The following HESX1 variants were observed in gnomAD, a reference collection of about 807,000 sequenced individuals.
HESX1 encodes the protein HESX homeobox 1, also known as homeobox expressed in ES cells 1.
In HESX1, 11 loss-of-function variants were observed where a neutral mutation model predicts 22.5. The ratio of observed to expected loss-of-function variants is 0.49; its 90% CI spans 0.31 to 0.81. HESX1 has a LOEUF of 0.81. HESX1 is among the 30% of genes least tolerant of loss of function. The pLI is 0.05. For missense variants in HESX1, 201 were observed against 212.6 expected (o/e 0.95, Z 0.34); for synonymous variants, 74 against 76.5 (o/e 0.97, Z 0.17).
At chr3:57,222,647 CA>C (rs1448722231) in intron 1 of HESX1, among the ~76,000 whole-genome samples, 1 of 152,100 alleles carries the variant, frequency 6.6e-6, no homozygotes, top group Non-Finnish European at 1.5e-5. Flanking sequence ...AACTTTGGGG[CA>C]CCTCTACCCA....
intron 1 of HESX1, among the ~76,000 whole-genome samples, chr3:57,209,686 A>G (rs573968745): frequency 2.5e-3 from 380 of 151,844 alleles, no homozygotes; most frequent in Middle Eastern, 6.8e-3. Flanking sequence ...AAAAAAAAAA[A>G]AAAAGAAAAG....
chr3:57,213,908 A>G (rs1290789167), intron 1 of HESX1, among the ~76,000 whole-genome samples: 1 of 152,200 alleles, frequency 6.6e-6, no homozygotes, highest in Non-Finnish European at 1.5e-5. Context: ...GCAACAGAGT[A>G]AGACTCCGTC....
chr3:57,208,296 A>G (rs78763738), intron 1 of HESX1, among the ~76,000 whole-genome samples: 15 of 152,128 alleles, frequency 9.9e-5, no homozygotes, highest in Admixed American at 9.2e-4. Flanking sequence ...TTAACTTGTC[A>G]ATGTTATGTA....
intron 1 of HESX1, chr3:57,226,171 C>A (rs890517109): frequency 2.0e-5 from 3 of 151,920 alleles, no homozygotes; most frequent in African/African-American, 7.3e-5. Context: ...AGCCACAGCG[C>A]CAGGCCTTTT....
intron 1 of HESX1, among the ~76,000 whole-genome samples, chr3:57,216,288 C>T (rs531108302): frequency 2.6e-5 from 4 of 152,278 alleles, no homozygotes; most frequent in African/African-American, 9.6e-5. Context: ...AGATTACAGT[C>T]AGCTACTTTG....
upstream of HESX1, among the ~76,000 whole-genome samples, chr3:57,226,932 C>G (rs1051606765): frequency 6.6e-6 from 1 of 152,196 alleles, no homozygotes; most frequent in African/African-American, 2.4e-5. Flanking sequence ...CTCATCCGGT[C>G]AAATTCCCAA....
In HESX1 at chr3:57,198,395, A is replaced by AT. The variant is rs757267705; in HGVS notation, c.454dup (p.Ile152AsnfsTer17). ...ACAACTAAATTTGAAAATTACCTGG[A>AT]TTCTGTCTTCCTCTAGATTCAATTT... is the stretch of plus-strand genomic sequence containing the variant. On this transcript the variant is annotated frameshift_variant, in exon 3 of 4. Transcript: ENST00000295934. LOFTEE classifies it high-confidence loss of function. 1.3e-6 allele frequency: 2 copies of AT among 1,590,576 alleles called. No homozygotes were observed. The highest frequency in any genetic ancestry group is 2.2e-5 in the South Asian group (2 of 90,550).
intron 1 of HESX1, among the ~76,000 whole-genome samples, chr3:57,216,547 G>A (rs764296170): frequency 7.2e-5 from 11 of 152,196 alleles, no homozygotes; most frequent in Non-Finnish European, 1.5e-4. Context: ...AGGAGGTCGA[G>A]GCTGCAGTGA....
chr3:57,209,037 T>C (rs1271488554), intron 1 of HESX1, among the ~76,000 whole-genome samples: 1 of 152,166 alleles, frequency 6.6e-6, no homozygotes, highest in Non-Finnish European at 1.5e-5. Flanking sequence ...ATCACTCTTA[T>C]TCAACATTAT....
chr3:57,211,832 CA>C (rs111228627), intron 1 of HESX1, among the ~76,000 whole-genome samples: 111 of 136,632 alleles, frequency 8.1e-4, no homozygotes, highest in Non-Finnish European at 6.7e-4. Context: ...GACGCCATCT[CA>C]AAAAAAAAAA....
At chr3:57,209,671 C>CAAAAAAAAAAAAA (rs71088042) in intron 1 of HESX1, among the ~76,000 whole-genome samples, 5 of 82,082 alleles carry the variant, frequency 6.1e-5, no homozygotes, top group Admixed American at 1.3e-4. Flanking sequence ...AGCTCCATCT[C>CAAAAAAAAAAAAA]AAAAAAAAAA....
At chr3:57,209,671 C>CAAAAAA (rs71088042) in intron 1 of HESX1, among the ~76,000 whole-genome samples, 11 of 82,040 alleles carry the variant, frequency 1.3e-4, no homozygotes, top group Non-Finnish European at 2.4e-4. Flanking sequence ...AGCTCCATCT[C>CAAAAAA]AAAAAAAAAA....
At chr3:57,226,568 A>T (rs1439186159), upstream of HESX1, 1 of 152,236 alleles carries the variant, frequency 6.6e-6, no homozygotes. Flanking sequence ...AAACTTTAAA[A>T]ATATAATTTT....
upstream of HESX1, among the ~76,000 whole-genome samples, chr3:57,202,029 C>T (rs2060492648): frequency 6.6e-6 from 1 of 151,948 alleles, no homozygotes; most frequent in South Asian, 2.1e-4. Flanking sequence ...CGCCATTCTC[C>T]TGCCTCAGCC....
intron 1 of HESX1, among the ~76,000 whole-genome samples, chr3:57,218,352 T>C (rs541597705): frequency 6.6e-6 from 1 of 151,982 alleles, no homozygotes; most frequent in Non-Finnish European, 1.5e-5. Context: ...TGAGAACATG[T>C]GGTATTTGGT....
upstream of HESX1, among the ~76,000 whole-genome samples, chr3:57,226,960 T>C (rs753011620): frequency 2.0e-5 from 3 of 152,264 alleles, no homozygotes; most frequent in Non-Finnish European, 4.4e-5. Context: ...CTTCACTTTA[T>C]TGTAAAATTA....
chr3:57,211,294 A>G (rs6774584), intron 1 of HESX1, among the ~76,000 whole-genome samples: 70,967 of 150,688 alleles, frequency 0.47, 17,474 homozygotes, highest in East Asian at 0.92. Flanking sequence ...TTGGGAAGCC[A>G]AGGTGGGAGA....
At chr3:57,227,296 G>A (rs1049410309), upstream of HESX1, among the ~76,000 whole-genome samples, 24 of 152,248 alleles carry the variant, frequency 1.6e-4, no homozygotes, top group African/African-American at 4.8e-4. Context: ...AGACATCTGA[G>A]TTAGTCAGCA....
intron 1 of HESX1, among the ~76,000 whole-genome samples, chr3:57,217,255 G>C (rs2060587662): frequency 6.6e-6 from 1 of 152,126 alleles, no homozygotes; most frequent in Non-Finnish European, 1.5e-5. Flanking sequence ...GGAAACACAT[G>C]CATGTGATAC....
Sources: allele counts gnomAD v4.1 joint callset (sites outside exome capture counted in the v4.1 genomes callset), GRCh38; gene constraint gnomAD v4.1.1; transcripts MANE v1.5; gene names NCBI Gene and HGNC (gene_info 2026-07-23, HGNC 2026-07-21).